Variants in ATRNL1 observed in about 807,000 individuals in gnomAD.
ATRNL1 encodes attractin-like protein 1.
In ATRNL1, 95 loss-of-function variants were observed where a neutral mutation model predicts 182.7. The observed-to-expected ratio is 0.52, with a 90% CI of 0.44 to 0.62. ATRNL1 has a LOEUF of 0.62. Among genes scored for constraint, ATRNL1 ranks in the 20% least tolerant of loss-of-function variants. ATRNL1 has a pLI of 0.00. For missense variants in ATRNL1, 1,471 were observed against 1,679.5 expected (o/e 0.88, Z 2.17); for synonymous variants, 576 against 568.3 (o/e 1.01, Z -0.19).
At chr10:115,170,945 A>C in intron 7 of ATRNL1, 92 bp from the exon 8 acceptor site, 1 of 798,044 alleles carries the variant, frequency 1.3e-6, no homozygotes, top group East Asian at 3.2e-5. Context: ...ACAATTACTA[A>C]AATTTTATGT....
chr10:115,517,848 A>G (rs782197309), intron 24 of ATRNL1, among the ~76,000 whole-genome samples: 8 of 151,768 alleles, frequency 5.3e-5, no homozygotes, highest in Admixed American at 4.6e-4. Flanking sequence ...ATGATATTCT[A>G]TGGACAAAGA....
chr10:115,692,214 C>T (rs74403311), intron 26 of ATRNL1, among the ~76,000 whole-genome samples: 3,279 of 152,228 alleles, frequency 0.022, 71 homozygotes, highest in East Asian at 0.14. Flanking sequence ...TATTAAACAA[C>T]TGAACTCTTT....
chr10:115,385,662 G>GTT (rs35895847), intron 19 of ATRNL1, among the ~76,000 whole-genome samples: 2 of 151,666 alleles, frequency 1.3e-5, no homozygotes, highest in Non-Finnish European at 2.9e-5. Context: ...TTTTTTCTCT[G>GTT]TTTTTTTCTT....
At chr10:115,098,975 T>C (rs1554863918) in intron 1 of ATRNL1, among the ~76,000 whole-genome samples, 1 of 152,210 alleles carries the variant, frequency 6.6e-6, no homozygotes, top group Non-Finnish European at 1.5e-5. Flanking sequence ...ATTATACAAT[T>C]TGATAAGTTT....
At chr10:115,478,543 T>C (rs1458238576) in intron 24 of ATRNL1, among the ~76,000 whole-genome samples, 2 of 151,760 alleles carry the variant, frequency 1.3e-5, no homozygotes, top group East Asian at 3.9e-4. Context: ...CTTTCTTCAG[T>C]CTGTTATAAT....
intron 27 of ATRNL1, among the ~76,000 whole-genome samples, chr10:115,805,646 T>C (rs910185348): frequency 1.4e-4 from 21 of 152,198 alleles, no homozygotes; most frequent in African/African-American, 5.1e-4. Flanking sequence ...CTTGTCAGGG[T>C]TCTGTTTCTT....
intron 5 of ATRNL1, among the ~76,000 whole-genome samples, chr10:115,142,513 G>T (rs115727290): frequency 1.2e-3 from 180 of 152,280 alleles, no homozygotes; most frequent in African/African-American, 4.1e-3. Flanking sequence ...CTGAAGGATG[G>T]AGCTATATCA....
intron 26 of ATRNL1, among the ~76,000 whole-genome samples, chr10:115,686,987 A>G (rs890389289): frequency 1.3e-5 from 2 of 152,010 alleles, no homozygotes; most frequent in African/African-American, 4.8e-5. Flanking sequence ...CTATAAACCT[A>G]TTCATTACCT....
chr10:115,657,069 T>A (rs1165987223), intron 26 of ATRNL1, among the ~76,000 whole-genome samples: 5 of 152,178 alleles, frequency 3.3e-5, no homozygotes, highest in African/African-American at 1.2e-4. Flanking sequence ...TCATTATACA[T>A]CATTTCACTG....
At chr10:115,935,734 GC>G (rs1482651018) in intron 28 of ATRNL1, among the ~76,000 whole-genome samples, 2 of 152,190 alleles carry the variant, frequency 1.3e-5, no homozygotes, top group Admixed American at 1.3e-4. Flanking sequence ...GAATGTAAAA[GC>G]ATTTTGTAAC....
chr10:115,456,952 C>T (rs1355511476), intron 21 of ATRNL1, among the ~76,000 whole-genome samples: 3 of 152,014 alleles, frequency 2.0e-5, no homozygotes, highest in African/African-American at 7.2e-5. Flanking sequence ...GAATGGTGTG[C>T]AATGACTTTT....
intron 19 of ATRNL1, among the ~76,000 whole-genome samples, chr10:115,374,818 A>T (rs897950521): frequency 2.6e-5 from 4 of 151,780 alleles, no homozygotes; most frequent in African/African-American, 9.7e-5. Context: ...ATTTACTACC[A>T]TTGTGGTTGG....
At chr10:115,778,179 A>G (rs1565370662) in intron 27 of ATRNL1, among the ~76,000 whole-genome samples, 1 of 152,196 alleles carries the variant, frequency 6.6e-6, no homozygotes, top group Admixed American at 6.5e-5. Flanking sequence ...TCTGGTTCAT[A>G]TAAAGCATTA....
intron 20 of ATRNL1, among the ~76,000 whole-genome samples, chr10:115,407,048 T>G (rs1166884914): frequency 4.6e-5 from 7 of 152,194 alleles, no homozygotes; most frequent in African/African-American, 7.2e-5. Context: ...TTTTTGTTTC[T>G]TCTAGTGTCT....
intron 27 of ATRNL1, among the ~76,000 whole-genome samples, chr10:115,843,868 A>G (rs184057662): frequency 4.4e-4 from 67 of 152,216 alleles, no homozygotes; most frequent in African/African-American, 1.5e-3. Context: ...CATAAAGTTA[A>G]GCATACAAGC....
At chr10:115,427,219 A>C (rs1367400187) in intron 21 of ATRNL1, among the ~76,000 whole-genome samples, 1 of 152,198 alleles carries the variant, frequency 6.6e-6, no homozygotes, top group African/African-American at 2.4e-5. Context: ...TTTCCTAATT[A>C]CTAATGATGT....
At chr10:115,593,924 T>C (rs900674141) in intron 26 of ATRNL1, among the ~76,000 whole-genome samples, 3 of 152,118 alleles carry the variant, frequency 2.0e-5, no homozygotes, top group Non-Finnish European at 4.4e-5. Context: ...TCCAAATATA[T>C]ATACTTTATT....
chr10:115,236,352 A>G (rs1850179264), intron 9 of ATRNL1, among the ~76,000 whole-genome samples: 1 of 152,184 alleles, frequency 6.6e-6, no homozygotes, highest in Non-Finnish European at 1.5e-5. Context: ...AAATTGCATA[A>G]TGATGCCATA....
chr10:115,932,912 A>G (rs1555121970), intron 28 of ATRNL1, among the ~76,000 whole-genome samples: 1 of 152,160 alleles, frequency 6.6e-6, no homozygotes, highest in South Asian at 2.1e-4. Context: ...GAAAATTATT[A>G]TGTGCATCAC....
Sources: gnomAD v4.1 joint callset for allele counts (sites outside exome capture counted in the v4.1 genomes callset) on GRCh38, gnomAD v4.1.1 for gene constraint, MANE v1.5 for transcripts, NCBI Gene and HGNC (gene_info 2026-07-23, HGNC 2026-07-21) for gene names.